CACNA1I: variants seen among roughly 807,000 people sequenced by gnomAD.
The protein encoded by CACNA1I is calcium voltage-gated channel subunit alpha1 I.
A neutral mutation model predicts 201.6 loss-of-function variants in CACNA1I; 74 were observed. The observed-to-expected ratio is 0.37, with a 90% CI of 0.30 to 0.45. The LOEUF (loss-of-function observed/expected upper bound fraction) is 0.45, where lower values mean the gene tolerates loss of function less well. Among genes scored for constraint, CACNA1I ranks in the 20% least tolerant of loss-of-function variants. The probability of loss-of-function intolerance (pLI) is 1.00; values close to 1 mark genes in which losing one functional copy is unlikely to be tolerated. For synonymous variants in CACNA1I, 1,431 were observed against 1,345.2 expected (o/e 1.06, Z -1.40); for missense variants, 2,346 against 3,138.1 (o/e 0.75, Z 6.03).
At position 39,677,238 on chromosome 22, in the gene CACNA1I, C is replaced by A; in HGVS notation, c.4855-103C>A. ...GGGGGAATGTTACAGCTGCTCTGAC[C>A]CACAGGCTGCCCAACCCCACTGCCC... is the stretch of plus-strand genomic sequence containing the variant. On this transcript the variant is annotated intron_variant, in intron 29 of 36. Coordinates refer to ENST00000402142, the MANE Select transcript of CACNA1I (RefSeq NM_021096.4). This position sits in a 1 kb window ranked among gnomAD's most constrained non-coding sequence, Gnocchi z 4.8. The A allele has an allele frequency of 1.4e-6, 1 of 732,614 alleles. No individual in the cohort carries two copies. Among genetic ancestry groups the A allele is most frequent in the Non-Finnish European group, 2.3e-6 (1 of 430,386 alleles). The allele number at this position is 732,614 out of a possible 1,614,324, so 45.4% of individuals were successfully genotyped here.
chr22:39,665,025 C>G lies in CACNA1I; in HGVS notation c.3851+102C>G. The G allele has an allele frequency of 5.4e-6, 6 of 1,102,560 alleles. No homozygotes were observed. Among genetic ancestry groups the G allele is most frequent in the Admixed American group, 4.0e-5 (2 of 49,404 alleles). 68.3% of individuals were successfully genotyped at this position (1,102,560 alleles called of 1,614,324 possible). Reference sequence around the variant, plus strand: ...ACTCCGCCCTCCCCGCCCGCCCACTCGGTCCTCCAATAGTGAGTGCCAAAC... The same window carrying G: ...ACTCCGCCCTCCCCGCCCGCCCACTGGGTCCTCCAATAGTGAGTGCCAAAC... On this transcript the variant is annotated intron_variant, in intron 21 of 36. Transcript: ENST00000402142. This position sits in a 1 kb window ranked among gnomAD's most constrained non-coding sequence, Gnocchi z 5.5.
chr22:39,634,478 C>T (rs1934153371), intron 4 of CACNA1I, 87 bp from the exon 5 acceptor site: 2 of 1,311,322 alleles, frequency 1.5e-6, no homozygotes, highest in Admixed American at 1.7e-5. Flanking sequence ...CCCTCCCCCT[C>T]CCTGTTTCTC....
intron 17 of CACNA1I, 75 bp from the exon 18 acceptor site, chr22:39,662,701 C>T: frequency 9.0e-7 from 1 of 1,115,588 alleles, no homozygotes; most frequent in Non-Finnish European, 1.3e-6. Flanking sequence ...CCCCAGTTGG[C>T]GCGATGGCCG....
At chr22:39,641,278 T>C in intron 6 of CACNA1I, 96 bp downstream of exon 6, 1 of 1,037,916 alleles carries the variant, frequency 9.6e-7, no homozygotes, top group South Asian at 1.5e-5. Flanking sequence ...AGCCCTCATC[T>C]CACTGAAACC....
chr22:39,601,835 T>TTCCCTCCC (rs1300230702), intron 3 of CACNA1I, among the ~76,000 whole-genome samples: 2 of 79,118 alleles, frequency 2.5e-5, no homozygotes, highest in East Asian at 2.1e-3. Flanking sequence ...CCTTCCTTCC[T>TTCCCTCCC]TCCCTCCCTC....
intron 10 of CACNA1I, among the ~76,000 whole-genome samples, chr22:39,655,337 C>T (rs1440806351): frequency 2.0e-5 from 3 of 152,180 alleles, no homozygotes; most frequent in Non-Finnish European, 4.4e-5. Flanking sequence ...CCTGGTGTCA[C>T]CCAAACCCGC....
intron 15 of CACNA1I, 104 bp downstream of exon 15, chr22:39,660,541 G>A (rs1934974045): frequency 1.5e-6 from 1 of 668,460 alleles, no homozygotes; most frequent in African/African-American, 1.8e-5. Flanking sequence ...CCAGGCTCAG[G>A]GACTGCTACT....
chr22:39,585,403 T>C lies in CACNA1I; in HGVS notation c.237-12748T>C, dbSNP rs957853840. Among the ~76,000 whole-genome samples the C allele has an allele frequency of 6.5e-4, 93 of 143,952 alleles. 1 individual carries two copies. The highest frequency in any genetic ancestry group is 2.1e-3 in the Admixed American group (31 of 14,448). 94.4% of individuals were successfully genotyped at this position (143,952 alleles called of 152,430 possible). ...CTTTCTTTCTTTTTTTTTTTTTTTT[T>C]TTTTGAGACTGAGTCTCCCTCTGTC... is the stretch of plus-strand genomic sequence containing the variant. On this transcript the variant is annotated intron_variant, in intron 1 of 36. Coordinates refer to ENST00000402142, the MANE Select transcript of CACNA1I (RefSeq NM_021096.4).
chr22:39,639,918 C>G, intron 5 of CACNA1I, among the ~76,000 whole-genome samples: 1 of 152,300 alleles, frequency 6.6e-6, no homozygotes, highest in Non-Finnish European at 1.5e-5. Context: ...TATCTCTCTC[C>G]TTTTTAAAGC....
chr22:39,679,627 A>T, intron 32 of CACNA1I, 95 bp from the exon 33 acceptor site: 1 of 1,282,918 alleles, frequency 7.8e-7, no homozygotes, highest in Non-Finnish European at 1.1e-6. Flanking sequence ...GGGCGCAGAG[A>T]ACCAACCGGG....
At chr22:39,647,737 A>G in intron 8 of CACNA1I, 85 bp from the exon 9 acceptor site, 1 of 957,334 alleles carries the variant, frequency 1.0e-6, no homozygotes, top group East Asian at 2.4e-5. Flanking sequence ...TAGGCTTGGA[A>G]GGGGCTGCCC....
Position 39,600,665 on chromosome 22 carries a change from C to T in CACNA1I, c.482+12C>T, listed in dbSNP as rs1420990540. 1 of 1,592,756 alleles carries T rather than the reference C, an allele frequency of 6.3e-7. No individual in the cohort carries two copies. The highest frequency in any genetic ancestry group is 8.5e-7 in the Non-Finnish European group (1 of 1,171,264). On this transcript the variant is annotated intron_variant, in intron 3 of 36. Transcript: ENST00000402142. ...ATCGTCATGGCAGGGTAGGTAGCGC[C>T]CGCCAGGCAGGTCCTAGCCTCTGGT...
Position 39,662,263 on chromosome 22 carries a change from T to A in CACNA1I, c.3200T>A (p.Leu1067Gln). Reference sequence around the variant, plus strand: ...CTCGACAACAGGGACTCGGTGGACCTGGCCGAGCTGGTGCCCGCGGTGGGC... The same window carrying A: ...CTCGACAACAGGGACTCGGTGGACCAGGCCGAGCTGGTGCCCGCGGTGGGC... ...LSLDNRDSVD[L>Q]AELVPAVGAH... is the part of the protein sequence containing the mutation. The change falls in exon 17 of 37, where the codon CTG (leucine) becomes CAG (glutamine). Residue 1067 changes from leucine (L) to glutamine (Q), a missense_variant. By Grantham distance (113) the Leu-to-Gln change is moderately radical (BLOSUM62 -2). Around this residue, in one of 13 missense-constraint regions of CACNA1I, gnomAD observed 288 missense variants for 255.2 expected, o/e 1.13. Coordinates refer to ENST00000402142, the MANE Select transcript of CACNA1I (RefSeq NM_021096.4). 2 of 1,520,088 alleles carry A rather than the reference T, an allele frequency of 1.3e-6. No individual in the cohort carries two copies. The highest frequency in any genetic ancestry group is 1.8e-6 in the Non-Finnish European group (2 of 1,139,000). The allele number at this position is 1,520,088 out of a possible 1,614,324, so 94.2% of individuals were successfully genotyped here.
At position 39,661,078 on chromosome 22, in the gene CACNA1I, C is replaced by T. The variant is rs758601048; in HGVS notation, c.2699-30C>T. ...TGTTCTGTCCTGTCTGCCATCTGTC[C>T]CTCCCTCTGTCTCCATCTCACTCCT... is the stretch of plus-strand genomic sequence containing the variant. On this transcript the variant is annotated intron_variant, in intron 15 of 36. Coordinates refer to ENST00000402142, the MANE Select transcript of CACNA1I (RefSeq NM_021096.4). 3 of 1,569,736 alleles carry T rather than the reference C, an allele frequency of 1.9e-6. No individual in the cohort carries two copies. In the South Asian group the frequency reaches 3.4e-5, roughly 18 times the overall value.
intron 1 of CACNA1I, among the ~76,000 whole-genome samples, chr22:39,583,611 A>T (rs959502450): frequency 2.6e-5 from 4 of 152,144 alleles, no homozygotes; most frequent in African/African-American, 9.7e-5. Flanking sequence ...CACTACCCAA[A>T]ACCCTATTTA....
intron 11 of CACNA1I, 123 bp from the exon 12 acceptor site, chr22:39,658,808 C>A: frequency 1.2e-6 from 1 of 847,584 alleles, no homozygotes; most frequent in Non-Finnish European, 1.8e-6. Context: ...ACATATTTGT[C>A]AGATGGATGG....
In CACNA1I at chr22:39,661,203, C is replaced by A. The variant is rs59770443; in HGVS notation, c.2794C>A (p.Pro932Thr). ...CCTAGGTCCTGCTGGGGCTGCGGGA[C>A]CTGCCCCCCGACTCTCACTGCAGCC... ...GHLGPAGAAG[P>T]APRLSLQPDP... is the part of the protein sequence containing the mutation. The change falls in exon 16 of 37, where the codon CCT becomes ACT. Residue 932 changes from proline (P) to threonine (T), a missense_variant. Physicochemically the swap from Pro to Thr is conservative, Grantham distance 38. Coordinates refer to ENST00000402142, the MANE Select transcript of CACNA1I (RefSeq NM_021096.4). 1.2e-6 allele frequency: 2 copies of A among 1,612,154 alleles called. No homozygotes were observed. Among genetic ancestry groups the A allele is most frequent in the African/African-American group, 2.7e-5 (2 of 74,908 alleles).
chr22:39,596,655 G>C (rs9611202), intron 1 of CACNA1I, among the ~76,000 whole-genome samples: 1 of 151,494 alleles, frequency 6.6e-6, no homozygotes, highest in Non-Finnish European at 1.5e-5. Context: ...TTTTGTGCTG[G>C]GGAGGGAGGT....
At position 39,620,269 on chromosome 22, in the gene CACNA1I, ATC is replaced by A. The variant is rs1569065726; in HGVS notation, c.580+863_580+864del. ...CATCCATCCATCCATCCATCCATCC[ATC>A]CATCCATACGTACATACATACATCT... On this transcript the variant is annotated intron_variant, in intron 4 of 36. Transcript: ENST00000402142. Among the ~76,000 whole-genome samples the A allele has an allele frequency of 3.7e-4, 50 of 136,194 alleles. 1 individual carries two copies. The highest frequency in any genetic ancestry group is 1.2e-3 in the African/African-American group (45 of 36,640). 89.3% of individuals were successfully genotyped at this position (136,194 alleles called of 152,430 possible).
Sources: gnomAD v4.1 joint callset for allele counts (sites outside exome capture counted in the v4.1 genomes callset) on GRCh38, gnomAD v4.1.1 for gene constraint, gnomAD v4.1.1 regional missense constraint, Gnocchi (gnomAD v3.1) non-coding constraint, MANE v1.5 for transcripts, NCBI Gene and HGNC (gene_info 2026-07-23, HGNC 2026-07-21) for gene names.